RPS6KB1: variants seen among roughly 807,000 people sequenced by gnomAD.
The protein encoded by RPS6KB1 is ribosomal protein S6 kinase beta-1.
A neutral mutation model predicts 70.2 loss-of-function variants in RPS6KB1; 12 were observed. The ratio of observed to expected loss-of-function variants is 0.17; its 90% confidence interval spans 0.11 to 0.28. RPS6KB1 has a LOEUF of 0.28. RPS6KB1 is among the 10% of genes least tolerant of loss of function. The pLI is 1.00. For synonymous variants in RPS6KB1, 175 were observed against 211.2 expected, an observed-to-expected ratio of 0.83 and a Z score of 1.49; for missense variants, 270 against 646.6, an observed-to-expected ratio of 0.42 and a Z score of 6.32.
intron 5 of RPS6KB1, among the ~76,000 whole-genome samples, chr17:59,926,920 ATACTGAC>A (rs982290846): frequency 6.6e-6 from 1 of 152,210 alleles, no homozygotes; most frequent in African/African-American, 2.4e-5. Flanking sequence ...ATTATTTAAC[ATACTGAC>A]TATTTTTGGA....
rs1160965284 is a variant in RPS6KB1, at chr17:59,947,684, A to G, written c.*896A>G. 6.1e-6 allele frequency: 5 copies of G among 815,350 alleles called. No homozygotes were observed. Among genetic ancestry groups the G allele is most frequent in the Non-Finnish European group, 8.2e-6 (4 of 485,536 alleles). 50.5% of individuals were successfully genotyped at this position (815,350 alleles called of 1,614,324 possible). ...TCCCGGGCCTGCATTGCACTGGAAA[A>G]AAAAATCGCCACCTGTTCTTACACC... On this transcript the variant is annotated 3_prime_UTR_variant, in exon 15 of 15. Coordinates refer to ENST00000225577, the MANE Select transcript of RPS6KB1 (RefSeq NM_003161.4).
chr17:59,943,453 TGAAGC>T (rs1447319977), intron 13 of RPS6KB1, among the ~76,000 whole-genome samples: 1 of 152,192 alleles, frequency 6.6e-6, no homozygotes, highest in Admixed American at 6.5e-5. Flanking sequence ...AGTGAGATAT[TGAAGC>T]TTTCGTTGCC....
intron 1 of RPS6KB1, among the ~76,000 whole-genome samples, chr17:59,899,073 A>G (rs1157671640): frequency 1.3e-5 from 2 of 151,902 alleles, no homozygotes; most frequent in East Asian, 3.9e-4. Context: ...GCCTGGTGTC[A>G]GGCACCTGTA....
At chr17:59,940,739 T>G in intron 12 of RPS6KB1, 97 bp from the exon 13 acceptor site, 1 of 653,032 alleles carries the variant, frequency 1.5e-6, no homozygotes, top group South Asian at 2.1e-5. Context: ...TTTATTATAG[T>G]TAACCCCCGT....
At chr17:59,936,156 GA>G (rs879167354) in intron 10 of RPS6KB1, 58 bp from the exon 11 acceptor site, 30,484 of 1,076,148 alleles carry the variant, frequency 0.028, 9 homozygotes, top group East Asian at 0.034. Context: ...GTCTAAAAAG[GA>G]AAAAAAAAAA....
At chr17:59,935,795 A>G (rs1267172415) in intron 10 of RPS6KB1, among the ~76,000 whole-genome samples, 2 of 144,926 alleles carry the variant, frequency 1.4e-5, no homozygotes, top group African/African-American at 2.7e-5. Flanking sequence ...TTAGTAAACT[A>G]TATTTTCTTT....
At chr17:59,896,257 T>C (rs544828480) in intron 1 of RPS6KB1, among the ~76,000 whole-genome samples, 2 of 151,692 alleles carry the variant, frequency 1.3e-5, no homozygotes. Flanking sequence ...GCAATGGCGC[T>C]ATCTCGGCTC....
intron 12 of RPS6KB1, among the ~76,000 whole-genome samples, chr17:59,939,014 CTTCT>C (rs2145026968): frequency 6.6e-6 from 1 of 152,208 alleles, no homozygotes; most frequent in African/African-American, 2.4e-5. Context: ...ACTGTTATTT[CTTCT>C]TTCTTTGTTA....
Position 59,934,857 on chromosome 17 carries a change from C to T in RPS6KB1, c.870+333C>T, listed in dbSNP as rs1246029531. 1 of 377,220 alleles carries T rather than the reference C, an allele frequency of 2.7e-6. No individual in the cohort carries two copies. Among genetic ancestry groups the T allele is most frequent in the Admixed American group, 4.4e-5 (1 of 22,908 alleles). 23.4% of individuals were successfully genotyped at this position (377,220 alleles called of 1,614,324 possible). A position where few individuals can be genotyped will look rare whatever the true frequency, so the allele number is the denominator to read the frequency against. ...TAATGGTGGAAACACAGGCTTCCTT[C>T]CAGGACACTGCTACTTCCTCTGTCC... On this transcript the variant is annotated intron_variant, in intron 9 of 14. Coordinates refer to ENST00000225577, the MANE Select transcript of RPS6KB1 (RefSeq NM_003161.4). The surrounding 1 kb of genome is among the most constrained non-coding windows in gnomAD (Gnocchi z 4.8).
chr17:59,926,036 A>G (rs2043587978), intron 4 of RPS6KB1, among the ~76,000 whole-genome samples: 1 of 152,020 alleles, frequency 6.6e-6, no homozygotes, highest in African/African-American at 2.4e-5. Context: ...ACTTGCCTAC[A>G]TTGACTTGTC....
Position 59,947,893 on chromosome 17 carries a change from GT to G in RPS6KB1, c.*1109del, listed in dbSNP as rs2045020914. 8 of 351,774 alleles carry G rather than the reference GT, an allele frequency of 2.3e-5. No homozygotes were observed. The East Asian group carries it at 3.5e-4, about 15-fold the overall frequency. The allele number at this position is 351,774 out of a possible 1,614,324, so 21.8% of individuals were successfully genotyped here. ...TTACAGCAAATTGGTAAGATTTTCA[GT>G]TTTACTTCTTTCTACTGTTTCTGCT... On this transcript the variant is annotated 3_prime_UTR_variant, in exon 15 of 15. Transcript: ENST00000225577.
At chr17:59,916,483 G>A (rs1598728661) in intron 4 of RPS6KB1, among the ~76,000 whole-genome samples, 1 of 151,978 alleles carries the variant, frequency 6.6e-6, no homozygotes, top group African/African-American at 2.4e-5. Context: ...ATTTTGTTTT[G>A]CTTTCTTTGA....
intron 1 of RPS6KB1, among the ~76,000 whole-genome samples, chr17:59,895,119 C>G (rs1480370005): frequency 6.6e-6 from 1 of 151,264 alleles, no homozygotes; most frequent in African/African-American, 2.4e-5. Context: ...CTCCTGGGTT[C>G]AAGCGATTCT....
chr17:59,913,451 T>A (rs562028010), intron 3 of RPS6KB1, among the ~76,000 whole-genome samples: 1 of 152,358 alleles, frequency 6.6e-6, no homozygotes, highest in Non-Finnish European at 1.5e-5. Flanking sequence ...AGCCTATTCT[T>A]ATGCTTAAGA....
chr17:59,927,568 G>A (rs60167359), intron 5 of RPS6KB1, among the ~76,000 whole-genome samples: 22,468 of 150,128 alleles, frequency 0.15, 1,852 homozygotes, highest in Middle Eastern at 0.24. Flanking sequence ...GTGCAGAGGC[G>A]TGATATCGGC....
chr17:59,937,798 T>A (rs941165388), intron 12 of RPS6KB1, among the ~76,000 whole-genome samples: 3 of 152,180 alleles, frequency 2.0e-5, no homozygotes, highest in African/African-American at 7.2e-5. Context: ...TGTACGAAAT[T>A]TTTTGGGGGT....
chr17:59,900,155 A>C (rs1015056058), intron 1 of RPS6KB1, among the ~76,000 whole-genome samples: 13 of 145,110 alleles, frequency 9.0e-5, no homozygotes, highest in African/African-American at 3.3e-4. Flanking sequence ...CCTGGGTGAC[A>C]GAAACCTAAT....
Position 59,936,289 on chromosome 17 carries a change from C to T in RPS6KB1, c.1041+12C>T, listed in dbSNP as rs557954014. The T allele has an allele frequency of 2.1e-5, 34 of 1,590,528 alleles. No individual in the cohort carries two copies. The Admixed American group carries it at 5.9e-4, about 28-fold the overall frequency. ...CTGGAGAAGTTCAAGTAGGGATTGG[C>T]ATCTTTGGTGTTTTGTGGGGAAGAT... On this transcript the variant is annotated intron_variant, in intron 11 of 14. Coordinates refer to ENST00000225577, the MANE Select transcript of RPS6KB1 (RefSeq NM_003161.4).
At chr17:59,922,551 CTTTTTTTTTTTTTTT>C (rs71145590) in intron 4 of RPS6KB1, among the ~76,000 whole-genome samples, 5 of 80,388 alleles carry the variant, frequency 6.2e-5, no homozygotes, top group Non-Finnish European at 1.1e-4. Context: ...TTTTATACTC[CTTTTTTTTTTTTTTT>C]TTTTTTTTTT....
Sources: allele counts gnomAD v4.1 joint callset (sites outside exome capture counted in the v4.1 genomes callset), GRCh38; gene constraint gnomAD v4.1.1; non-coding constraint Gnocchi (gnomAD v3.1); transcripts MANE v1.5; gene names NCBI Gene and HGNC (gene_info 2026-07-23, HGNC 2026-07-21).